Variants in NAALADL2 observed in about 807,000 individuals in gnomAD.
NAALADL2 encodes N-acetylated alpha-linked acidic dipeptidase like 2, also known as inactive N-acetylated-alpha-linked acidic dipeptidase-like protein 2.
In NAALADL2, 76 loss-of-function variants were observed where a neutral mutation model predicts 87.2. The ratio of observed to expected loss-of-function variants is 0.87; its 90% CI spans 0.72 to 1.05. NAALADL2 has a LOEUF of 1.05. Ranked by LOEUF, NAALADL2 falls within the 50% of genes least tolerant of loss-of-function variation. The probability of loss-of-function intolerance (pLI) is 0.00; values close to 1 mark genes in which losing one functional copy is unlikely to be tolerated. For missense variants in NAALADL2, 1,089 were observed against 945.8 expected, an observed-to-expected ratio of 1.15 and a Z score of -1.99; for synonymous variants, 354 against 331.0, an observed-to-expected ratio of 1.07 and a Z score of -0.75.
intron 11 of NAALADL2, among the ~76,000 whole-genome samples, chr3:175,736,935 T>C (rs1388291749): frequency 6.6e-6 from 1 of 152,198 alleles, no homozygotes; most frequent in Non-Finnish European, 1.5e-5. Context: ...AACCAGGCAT[T>C]GATTTTCAGG....
rs1374228468 is a variant in NAALADL2 at position 175,639,370 on chromosome 3, G to A, written c.1896+11984G>A. ...GAGTCTCGCTCTGTTGCCCAGGCTG[G>A]AGTGCAGTGGTGCAATCTCGGCTCA... On this transcript the variant is annotated intron_variant, in intron 11 of 13. Coordinates refer to ENST00000454872, the MANE Select transcript of NAALADL2 (RefSeq NM_207015.3). Among the ~76,000 whole-genome samples the A allele has an allele frequency of 1.7e-4, 23 of 135,824 alleles. No individual in the cohort carries two copies. In the Admixed American group the frequency reaches 1.8e-3, roughly 11 times the overall value. 89.1% of individuals were successfully genotyped at this position (135,824 alleles called of 152,430 possible).
intron 11 of NAALADL2, among the ~76,000 whole-genome samples, chr3:175,627,607 A>G (rs1475107968): frequency 1.3e-5 from 2 of 151,678 alleles, no homozygotes; most frequent in Non-Finnish European, 3.0e-5. Context: ...TGTATTACAA[A>G]TCAATTTTTA....
At chr3:174,770,340 T>G (rs550841392) in intron 3 of NAALADL2, among the ~76,000 whole-genome samples, 1 of 152,312 alleles carries the variant, frequency 6.6e-6, no homozygotes, top group African/African-American at 2.4e-5. Context: ...ATAAAGATGT[T>G]AAATTGGTGA....
chr3:175,251,066 T>G (rs967197682), intron 3 of NAALADL2, among the ~76,000 whole-genome samples: 1 of 152,204 alleles, frequency 6.6e-6, no homozygotes, highest in Non-Finnish European at 1.5e-5. Flanking sequence ...GTTTTTATTT[T>G]AAAATGTTTG....
chr3:175,416,520 G>C (rs568665783), intron 5 of NAALADL2, among the ~76,000 whole-genome samples: 3 of 152,110 alleles, frequency 2.0e-5, no homozygotes, highest in Non-Finnish European at 4.4e-5. Context: ...AACAGTAAAT[G>C]ATAACAGTTA....
chr3:175,554,794 A>G (rs1039357173), intron 9 of NAALADL2, among the ~76,000 whole-genome samples: 1 of 152,182 alleles, frequency 6.6e-6, no homozygotes, highest in South Asian at 2.1e-4. Context: ...TACTGCTTAA[A>G]GTGAAAAATA....
chr3:175,007,122 A>G (rs941504799), intron 1 of NAALADL2, among the ~76,000 whole-genome samples: 1 of 148,664 alleles, frequency 6.7e-6, no homozygotes, highest in African/African-American at 2.5e-5. Context: ...CAAGCCTTGC[A>G]CATGCCTAAT....
chr3:174,730,629 G>A (rs1732611663), intron 2 of NAALADL2, among the ~76,000 whole-genome samples: 3 of 152,180 alleles, frequency 2.0e-5, no homozygotes, highest in Middle Eastern at 3.4e-3. Flanking sequence ...AGGAAATAAT[G>A]TGAAGTTTCT....
intron 1 of NAALADL2, among the ~76,000 whole-genome samples, chr3:174,981,303 A>C (rs1745076342): frequency 6.6e-6 from 1 of 152,200 alleles, no homozygotes; most frequent in African/African-American, 2.4e-5. Flanking sequence ...AAATACGGAC[A>C]TACTCATAAT....
At chr3:175,322,704 A>G (rs1450637666) in intron 4 of NAALADL2, among the ~76,000 whole-genome samples, 1 of 147,022 alleles carries the variant, frequency 6.8e-6, no homozygotes, top group Non-Finnish European at 1.5e-5. Flanking sequence ...TCTCAAAAGA[A>G]GACATTTATG....
chr3:174,653,351 T>C (rs1724574380), intron 2 of NAALADL2, among the ~76,000 whole-genome samples: 1 of 152,170 alleles, frequency 6.6e-6, no homozygotes. Context: ...CAAGTGCTTC[T>C]TTTTTTGTGT....
At chr3:175,786,313 T>A (rs1312183380) in intron 13 of NAALADL2, among the ~76,000 whole-genome samples, 1 of 152,200 alleles carries the variant, frequency 6.6e-6, no homozygotes, top group Non-Finnish European at 1.5e-5. Context: ...CTTGGTTCCA[T>A]TCTCCCCATC....
At position 174,445,331 on chromosome 3, in the gene NAALADL2, C is replaced by T. The variant is rs569671828; in HGVS notation, c.-184+4299C>T. Among the ~76,000 whole-genome samples the T allele has an allele frequency of 5.3e-5, 8 of 152,112 alleles. No homozygotes were observed. The East Asian group carries it at 1.4e-3, about 26-fold the overall frequency. ...ATGAACCCCAGTATATTCAGGAGTA[C>T]GTCTCATTAGTCTATTTCATAATTC... On this transcript the variant is annotated intron_variant, in intron 1 of 3. Transcript: ENST00000434257.
chr3:174,987,929 C>T (rs1941240580), intron 1 of NAALADL2, among the ~76,000 whole-genome samples: 1 of 150,988 alleles, frequency 6.6e-6, no homozygotes, highest in African/African-American at 2.5e-5. Flanking sequence ...ACCTTTGCCT[C>T]CCAAAGTGCT....
chr3:174,608,637 C>T (rs1490234903), intron 2 of NAALADL2, among the ~76,000 whole-genome samples: 1 of 152,120 alleles, frequency 6.6e-6, no homozygotes, highest in African/African-American at 2.4e-5. Flanking sequence ...CCTGAATAGA[C>T]CAATAACAGG....
At chr3:175,631,737 A>G (rs548365666) in intron 11 of NAALADL2, among the ~76,000 whole-genome samples, 38 of 152,138 alleles carry the variant, frequency 2.5e-4, no homozygotes, top group African/African-American at 8.9e-4. Flanking sequence ...TTAAATGCCA[A>G]TGTAAATCCT....
intron 3 of NAALADL2, among the ~76,000 whole-genome samples, chr3:174,849,983 T>G (rs1158045112): frequency 1.3e-5 from 2 of 152,182 alleles, no homozygotes; most frequent in African/African-American, 4.8e-5. Context: ...TCACTTACCT[T>G]TACCAGTGAG....
chr3:175,231,433 G>T (rs751191290), intron 2 of NAALADL2, among the ~76,000 whole-genome samples: 38 of 152,014 alleles, frequency 2.5e-4, no homozygotes, highest in Non-Finnish European at 4.4e-4. Flanking sequence ...GTGAAGTAAA[G>T]ACTGTATACA....
At chr3:175,333,394 G>A (rs1265867973) in intron 5 of NAALADL2, among the ~76,000 whole-genome samples, 1 of 152,156 alleles carries the variant, frequency 6.6e-6, no homozygotes, top group East Asian at 1.9e-4. Flanking sequence ...ATGTGCTTCA[G>A]CCCCAGGTGG....
Sources: gnomAD v4.1 joint callset for allele counts (sites outside exome capture counted in the v4.1 genomes callset) on GRCh38, gnomAD v4.1.1 for gene constraint, MANE v1.5 for transcripts, NCBI Gene and HGNC (gene_info 2026-07-23, HGNC 2026-07-21) for gene names.